The following EPHA4 variants were observed in gnomAD, a reference collection of about 807,000 sequenced individuals.
EPHA4 encodes ephrin type-A receptor 4.
In EPHA4, 19 loss-of-function variants were observed where a neutral mutation model predicts 108.3. The ratio of observed to expected loss-of-function variants is 0.18; its 90% CI spans 0.12 to 0.26. The LOEUF (loss-of-function observed/expected upper bound fraction) is 0.26. EPHA4 is among the 10% of genes least tolerant of loss of function. EPHA4 has a pLI of 1.00. For synonymous variants in EPHA4, 449 were observed against 455.5 expected (o/e 0.99, Z 0.18); for missense variants, 917 against 1,254.0 (o/e 0.73, Z 4.06).
chr2:221,433,874 A>G (rs567594851), intron 14 of EPHA4, among the ~76,000 whole-genome samples: 2 of 152,356 alleles, frequency 1.3e-5, no homozygotes, highest in African/African-American at 4.8e-5. Flanking sequence ...AAGTTCACCA[A>G]GTAAAAATAC....
intron 3 of EPHA4, among the ~76,000 whole-genome samples, chr2:221,547,630 T>A (rs538067438): frequency 4.2e-4 from 64 of 152,336 alleles, no homozygotes; most frequent in African/African-American, 1.5e-3. Flanking sequence ...AATGTTAGAA[T>A]AATTACGGGG....
intron 2 of EPHA4, among the ~76,000 whole-genome samples, chr2:221,566,842 G>A (rs201351187): frequency 1.5e-3 from 56 of 38,340 alleles, no homozygotes; most frequent in African/African-American, 0.01. Flanking sequence ...GGAGAAGAAG[G>A]AGAAGGAGAA....
intron 11 of EPHA4, 138 bp from the exon 12 acceptor site, chr2:221,437,260 C>A: frequency 3.3e-6 from 2 of 603,074 alleles, no homozygotes; most frequent in South Asian, 2.2e-5. Context: ...CAAGCTTATG[C>A]CTCAGCTGTG....
intron 3 of EPHA4, among the ~76,000 whole-genome samples, chr2:221,514,358 C>T (rs1692929845): frequency 1.3e-5 from 2 of 152,104 alleles, no homozygotes; most frequent in South Asian, 4.1e-4. Flanking sequence ...TTCTTGCTTT[C>T]GTGTGATGCA....
chr2:221,572,451 T>G, upstream of EPHA4: 3 of 378,434 alleles, frequency 7.9e-6, no homozygotes, highest in East Asian at 4.4e-5. Context: ...CGCCCCAGGG[T>G]TCCGCCCCCT....
intron 2 of EPHA4, 77 bp from the exon 3 acceptor site, chr2:221,564,471 T>C: frequency 4.3e-6 from 6 of 1,403,794 alleles, no homozygotes; most frequent in South Asian, 2.7e-5. Flanking sequence ...TTTATTCTCA[T>C]AGGACACCTG....
chr2:221,536,697 A>G (rs1348528652), intron 3 of EPHA4, among the ~76,000 whole-genome samples: 1 of 152,222 alleles, frequency 6.6e-6, no homozygotes, highest in Non-Finnish European at 1.5e-5. Context: ...TGAGAATATG[A>G]CCAAATCAGG....
intron 4 of EPHA4, 29 bp from the exon 5 acceptor site, chr2:221,482,719 C>G (rs1691862134): frequency 6.5e-7 from 1 of 1,544,510 alleles, no homozygotes; most frequent in Non-Finnish European, 8.8e-7. Context: ...ATCATCACAC[C>G]AAGAACCGAA....
At chr2:221,552,247 A>G (rs1694183846) in intron 3 of EPHA4, among the ~76,000 whole-genome samples, 1 of 152,230 alleles carries the variant, frequency 6.6e-6, no homozygotes, top group Non-Finnish European at 1.5e-5. Flanking sequence ...CCTAACAGCT[A>G]AAGGTGAATT....
chr2:221,498,312 A>G (rs1692364453), intron 4 of EPHA4, among the ~76,000 whole-genome samples: 1 of 152,246 alleles, frequency 6.6e-6, no homozygotes, highest in African/African-American at 2.4e-5. Context: ...GGGGGAGTAC[A>G]TGATGCAAAT....
chr2:221,448,986 G>A (rs1690683696), intron 8 of EPHA4, among the ~76,000 whole-genome samples: 1 of 152,190 alleles, frequency 6.6e-6, no homozygotes, highest in Admixed American at 6.5e-5. Context: ...TAATTATAAG[G>A]TTGACACGCC....
intron 2 of EPHA4, among the ~76,000 whole-genome samples, chr2:221,567,990 G>T (rs767062119): frequency 1.3e-5 from 2 of 152,196 alleles, no homozygotes; most frequent in Non-Finnish European, 2.9e-5. Flanking sequence ...GGTTATTTAG[G>T]GGGAGTAGGA....
At chr2:221,465,815 A>G (rs1337536079) in intron 5 of EPHA4, among the ~76,000 whole-genome samples, 1 of 152,236 alleles carries the variant, frequency 6.6e-6, no homozygotes, top group African/African-American at 2.4e-5. Flanking sequence ...TTCTATTGCA[A>G]TAACCCATTG....
rs532696539 is a variant in EPHA4, at chr2:221,535,698, A to G, written c.823+28033T>C. Among the ~76,000 whole-genome samples, 8 of 152,300 alleles carry G rather than the reference A, an allele frequency of 5.3e-5. No homozygotes were observed. The East Asian group carries it at 1.2e-3, about 22-fold the overall frequency. On this transcript the variant is annotated intron_variant, in intron 3 of 17. Transcript: ENST00000281821. ...TCAACTTTACTGTGAGGCTTTTCTT[A>G]TCTTCTTCTTCTATGCCTAAAGTGG...
At chr2:221,487,371 C>T (rs972293844) in intron 4 of EPHA4, among the ~76,000 whole-genome samples, 8 of 152,128 alleles carry the variant, frequency 5.3e-5, no homozygotes, top group South Asian at 2.1e-4. Context: ...TAACCAGCGA[C>T]GGCTGGGAAT....
chr2:221,480,327 G>A (rs538278024), intron 5 of EPHA4, among the ~76,000 whole-genome samples: 2 of 152,094 alleles, frequency 1.3e-5, no homozygotes, highest in South Asian at 2.1e-4. Context: ...CTTATAATTC[G>A]GTTAAGAAAA....
chr2:221,432,885 C>G (rs150024594), intron 14 of EPHA4, among the ~76,000 whole-genome samples: 4,605 of 135,538 alleles, frequency 0.034, 269 homozygotes, highest in African/African-American at 0.12. Context: ...AGTGCAGTGG[C>G]GTGATCTCTG....
intron 3 of EPHA4, among the ~76,000 whole-genome samples, chr2:221,562,535 T>G (rs985869647): frequency 6.6e-6 from 1 of 152,188 alleles, no homozygotes; most frequent in African/African-American, 2.4e-5. Flanking sequence ...TTCAGGCCCT[T>G]TAACCACCAA....
chr2:221,532,162 G>A (rs1022726740), intron 3 of EPHA4, among the ~76,000 whole-genome samples: 10 of 150,896 alleles, frequency 6.6e-5, no homozygotes, highest in African/African-American at 2.0e-4. Context: ...TCACTCTGTC[G>A]CCCAGGCTGG....
Sources: allele counts gnomAD v4.1 joint callset (sites outside exome capture counted in the v4.1 genomes callset), GRCh38; gene constraint gnomAD v4.1.1; transcripts MANE v1.5; gene names NCBI Gene and HGNC (gene_info 2026-07-23, HGNC 2026-07-21).